Variants in BTG4 observed in about 807,000 individuals in gnomAD.
BTG4 encodes the protein BTG anti-proliferation factor 4.
Under a neutral mutation model 19.3 loss-of-function variants are expected in BTG4, and 10 were observed. The ratio of observed to expected loss-of-function variants is 0.52; its 90% CI spans 0.32 to 0.88. BTG4 has a LOEUF of 0.88. BTG4 is among the 40% of genes least tolerant of loss of function. The probability of loss-of-function intolerance (pLI) is 0.04; values close to 1 mark genes in which losing one functional copy is unlikely to be tolerated. For synonymous variants in BTG4, 91 were observed against 95.7 expected, an observed-to-expected ratio of 0.95 and a Z score of 0.29; for missense variants, 238 against 281.9, an observed-to-expected ratio of 0.84 and a Z score of 1.11.
At chr11:111,433,270 T>A in the BTG4 span, among the ~76,000 whole-genome samples, 5 of 152,104 alleles carry the variant, frequency 3.3e-5, no homozygotes, top group African/African-American at 7.2e-5. Flanking sequence ...CATGAAATAG[T>A]TTGTCCAAAC....
At chr11:111,503,242 T>C (rs1430200132) in intron 1 of BTG4, among the ~76,000 whole-genome samples, 4 of 152,204 alleles carry the variant, frequency 2.6e-5, no homozygotes, top group Non-Finnish European at 5.9e-5. Flanking sequence ...ATTGAAAGAA[T>C]GAAGTTCAGT....
At chr11:111,458,073 C>T in the BTG4 span, 1 of 152,778 alleles carries the variant, frequency 6.5e-6, no homozygotes, top group Non-Finnish European at 1.5e-5. Flanking sequence ...CAGGAGAGTC[C>T]AGAGTCGGGT....
At chr11:111,404,533 C>A in the BTG4 span, 1 of 454,524 alleles carries the variant, frequency 2.2e-6, no homozygotes, top group Non-Finnish European at 4.4e-6. Context: ...AATCATCTGA[C>A]ATAACAACTT....
At chr11:111,492,383 T>G (rs1409970016), downstream of BTG4, among the ~76,000 whole-genome samples, 3 of 152,238 alleles carry the variant, frequency 2.0e-5, no homozygotes, top group Admixed American at 6.5e-5. Context: ...TGATTTTTCT[T>G]TTTTTAGTCC....
chr11:111,496,079 C>T (rs549673212), intron 4 of BTG4, among the ~76,000 whole-genome samples: 2 of 152,222 alleles, frequency 1.3e-5, no homozygotes, highest in African/African-American at 4.8e-5. Context: ...TACATTAGAA[C>T]TTCAAATAAT....
the BTG4 span, among the ~76,000 whole-genome samples, chr11:111,438,420 C>T: frequency 2.0e-5 from 3 of 152,226 alleles, no homozygotes; most frequent in East Asian, 3.8e-4. Context: ...CCACCTCTGG[C>T]CTGACTCTGT....
chr11:111,389,294 T>C, the BTG4 span, among the ~76,000 whole-genome samples: 1 of 151,866 alleles, frequency 6.6e-6, no homozygotes, highest in Non-Finnish European at 1.5e-5. Context: ...GAAATGTCAG[T>C]GTAGGAAGAA....
the BTG4 span, among the ~76,000 whole-genome samples, chr11:111,425,316 C>G: frequency 6.6e-6 from 1 of 152,050 alleles, no homozygotes; most frequent in Non-Finnish European, 1.5e-5. Flanking sequence ...TAGGCAGGCT[C>G]CATGCTGATC....
intron 1 of BTG4, among the ~76,000 whole-genome samples, chr11:111,510,708 T>C (rs193280041): frequency 2.0e-4 from 31 of 152,314 alleles, no homozygotes; most frequent in Non-Finnish European, 4.3e-4. Flanking sequence ...TTGTACTACA[T>C]AGAAAATAAA....
intron 5 of BTG4, among the ~76,000 whole-genome samples, chr11:111,484,783 A>G (rs1009784124): frequency 6.6e-6 from 1 of 152,316 alleles, no homozygotes; most frequent in South Asian, 2.1e-4. Flanking sequence ...CTTACCTATC[A>G]ATAACAACAC....
At chr11:111,499,814 A>G (rs1224942374) in intron 1 of BTG4, among the ~76,000 whole-genome samples, 1 of 152,158 alleles carries the variant, frequency 6.6e-6, no homozygotes, top group East Asian at 1.9e-4. Context: ...GTCAGTGACC[A>G]TGTGATCTGG....
chr11:111,486,135 T>C (rs1865047628), intron 5 of BTG4, among the ~76,000 whole-genome samples: 1 of 152,210 alleles, frequency 6.6e-6, no homozygotes, highest in Non-Finnish European at 1.5e-5. Context: ...CCTAAAGGCT[T>C]CACTGCTGAA....
the BTG4 span, among the ~76,000 whole-genome samples, chr11:111,384,385 T>G: frequency 2.6e-5 from 4 of 151,978 alleles, no homozygotes; most frequent in Non-Finnish European, 5.9e-5. Context: ...AAACAAACAC[T>G]TGGATACGTT....
the BTG4 span, chr11:111,450,941 T>G: frequency 6.4e-6 from 1 of 156,206 alleles, no homozygotes; most frequent in Non-Finnish European, 1.4e-5. Context: ...CAGCTCTCCC[T>G]CATTCTCTGA....
chr11:111,498,427 C>T (rs1439543556), intron 2 of BTG4, among the ~76,000 whole-genome samples, 177 bp downstream of exon 2: 3 of 152,200 alleles, frequency 2.0e-5, no homozygotes, highest in Admixed American at 2.0e-4. Context: ...CTGTTGTTTC[C>T]AGCCACAGTG....
At chr11:111,513,353 C>G (rs1031752955), upstream of BTG4, 3 of 528,212 alleles carry the variant, frequency 5.7e-6, no homozygotes, top group East Asian at 5.5e-5. Flanking sequence ...AAGCTAGCAA[C>G]TCAGTTGAGC....
the BTG4 span, among the ~76,000 whole-genome samples, chr11:111,439,681 C>T: frequency 6.6e-6 from 1 of 152,130 alleles, no homozygotes; most frequent in Non-Finnish European, 1.5e-5. Flanking sequence ...TTTGCCTCAT[C>T]ATCTGGAGGC....
At chr11:111,400,033 G>A in the BTG4 span, among the ~76,000 whole-genome samples, 1 of 152,160 alleles carries the variant, frequency 6.6e-6, no homozygotes, top group Non-Finnish European at 1.5e-5. Flanking sequence ...GGTGAGGGTG[G>A]AGTGAGGGGA....
chr11:111,465,052 G>C (rs1237323008), downstream of BTG4, among the ~76,000 whole-genome samples: 5 of 152,116 alleles, frequency 3.3e-5, no homozygotes, highest in African/African-American at 1.2e-4. Context: ...CAGAAGAAAT[G>C]AACGAAGAGA....
Sources: gnomAD v4.1 joint callset for allele counts (sites outside exome capture counted in the v4.1 genomes callset) on GRCh38, gnomAD v4.1.1 for gene constraint, MANE v1.5 for transcripts, NCBI Gene and HGNC (gene_info 2026-07-23, HGNC 2026-07-21) for gene names.